Variants in PCDH7 observed in about 807,000 individuals in gnomAD.
PCDH7 encodes the protein protocadherin-7.
PCDH7 carries 17 observed loss-of-function variants against 58.9 expected under a neutral mutation model. The observed-to-expected ratio is 0.29, with a 90% CI of 0.20 to 0.43. PCDH7 has a LOEUF of 0.43. PCDH7 is among the 20% of genes least tolerant of loss of function. The pLI is 1.00. For missense variants in PCDH7, 1,274 were observed against 1,441.0 expected (o/e 0.88, Z 1.88); for synonymous variants, 664 against 616.4 (o/e 1.08, Z -1.14).
intron 1 of PCDH7, among the ~76,000 whole-genome samples, chr4:30,797,576 C>T (rs1169148054): frequency 6.6e-6 from 1 of 152,116 alleles, no homozygotes; most frequent in African/African-American, 2.4e-5. Flanking sequence ...GCCCAGCCCA[C>T]TTCCTACTTT....
intron 3 of PCDH7, among the ~76,000 whole-genome samples, chr4:31,016,461 A>T (rs1229029965): frequency 6.7e-6 from 1 of 148,572 alleles, no homozygotes; most frequent in Non-Finnish European, 1.5e-5. Flanking sequence ...GGGAAAGGCC[A>T]TCATCTAAAC....
intron 3 of PCDH7, among the ~76,000 whole-genome samples, chr4:31,055,829 G>A (rs890878367): frequency 6.6e-6 from 1 of 151,788 alleles, no homozygotes; most frequent in Admixed American, 6.6e-5. Flanking sequence ...CACCCACCTC[G>A]GCCTCCCAAA....
chr4:30,837,539 C>G (rs1730639575), intron 1 of PCDH7, among the ~76,000 whole-genome samples: 1 of 147,386 alleles, frequency 6.8e-6, no homozygotes, highest in Admixed American at 6.8e-5. Flanking sequence ...AAATTAAAAA[C>G]AAAATAGAAA....
At chr4:30,867,236 C>A (rs144429938) in intron 1 of PCDH7, among the ~76,000 whole-genome samples, 9 of 152,044 alleles carry the variant, frequency 5.9e-5, no homozygotes, top group African/African-American at 2.2e-4. Flanking sequence ...TTTGTTTATC[C>A]TGTGTAGAAT....
At chr4:31,126,040 C>G (rs545234153) in intron 3 of PCDH7, among the ~76,000 whole-genome samples, 27 of 151,936 alleles carry the variant, frequency 1.8e-4, no homozygotes, top group Non-Finnish European at 3.2e-4. Context: ...ACTCACTTAA[C>G]TTCTTTGTGC....
chr4:31,142,548 C>T, exon 4 of PCDH7: 1 of 1,367,766 alleles, frequency 7.3e-7, no homozygotes, highest in African/African-American at 1.5e-5. Flanking sequence ...CACTCAGACT[C>T]CTGCTGGATG....
intron 1 of PCDH7, among the ~76,000 whole-genome samples, chr4:30,862,668 T>G (rs572944338): frequency 2.0e-5 from 3 of 152,306 alleles, no homozygotes; most frequent in Admixed American, 2.0e-4. Context: ...AGATTTTAAA[T>G]AAATGCACAG....
chr4:30,806,189 A>G (rs1726173213), intron 1 of PCDH7, among the ~76,000 whole-genome samples: 1 of 152,094 alleles, frequency 6.6e-6, no homozygotes, highest in Admixed American at 6.5e-5. Flanking sequence ...CAGTCCCCCA[A>G]ATTGGTACAA....
chr4:31,007,418 G>A (rs951037714), intron 3 of PCDH7, among the ~76,000 whole-genome samples: 6 of 152,084 alleles, frequency 3.9e-5, no homozygotes, highest in African/African-American at 1.4e-4. Flanking sequence ...TGTGAATTTG[G>A]TGTCAAAGTA....
In PCDH7 at chr4:31,034,023, G is replaced by A. The variant is rs527956950; in HGVS notation, c.*7+83808G>A. ...GCAGGAGAATTGCTTGAGTCCGGGA[G>A]GCAGAGGTTGCAGTGCGTGGAAATC... On this transcript the variant is annotated intron_variant, in intron 3 of 3. Transcript: ENST00000509759. Among the ~76,000 whole-genome samples the A allele has an allele frequency of 9.9e-5, 15 of 152,268 alleles. No individual in the cohort carries two copies. The South Asian group carries it at 1.9e-3, about 19-fold the overall frequency.
chr4:31,051,028 TTATC>T (rs1422186161), intron 3 of PCDH7, among the ~76,000 whole-genome samples: 1 of 152,118 alleles, frequency 6.6e-6, no homozygotes, highest in African/African-American at 2.4e-5. Context: ...ACATAATTAT[TTATC>T]TATTTAACTG....
At chr4:30,794,873 G>T (rs185960870) in intron 1 of PCDH7, among the ~76,000 whole-genome samples, 1 of 152,012 alleles carries the variant, frequency 6.6e-6, no homozygotes, top group Non-Finnish European at 1.5e-5. Flanking sequence ...TAGTTTGATG[G>T]CATGAATATC....
intron 3 of PCDH7, among the ~76,000 whole-genome samples, chr4:30,952,030 A>T (rs1747419207): frequency 6.6e-6 from 1 of 152,132 alleles, no homozygotes; most frequent in Non-Finnish European, 1.5e-5. Context: ...CTTCACCCAT[A>T]CTTCTCTCTA....
chr4:31,084,192 T>G (rs911612268), intron 3 of PCDH7, among the ~76,000 whole-genome samples: 1 of 144,708 alleles, frequency 6.9e-6, no homozygotes, highest in Non-Finnish European at 1.5e-5. Context: ...AAATCTGAGC[T>G]GACTATTTTA....
chr4:31,078,755 T>C (rs1267435959), intron 3 of PCDH7, among the ~76,000 whole-genome samples: 1 of 148,430 alleles, frequency 6.7e-6, no homozygotes, highest in Non-Finnish European at 1.5e-5. Flanking sequence ...AAGTTGGCAA[T>C]ATAAATTTTA....
chr4:30,853,921 G>A (rs1195909590), intron 1 of PCDH7, among the ~76,000 whole-genome samples: 1 of 151,954 alleles, frequency 6.6e-6, no homozygotes, highest in Non-Finnish European at 1.5e-5. Context: ...AAAAGCAAAT[G>A]TAAATTTAAA....
chr4:30,818,376 A>G (rs184004935), intron 1 of PCDH7, among the ~76,000 whole-genome samples: 2 of 152,172 alleles, frequency 1.3e-5, no homozygotes, highest in African/African-American at 2.4e-5. Flanking sequence ...ACTGTTTCTC[A>G]GCTTCCATAT....
intron 1 of PCDH7, among the ~76,000 whole-genome samples, chr4:30,898,515 A>G (rs938130931): frequency 3.3e-5 from 5 of 152,206 alleles, no homozygotes; most frequent in African/African-American, 1.2e-4. Flanking sequence ...AGAATAATCT[A>G]GATTGCTTGT....
intron 1 of PCDH7, among the ~76,000 whole-genome samples, chr4:30,782,264 C>A (rs1722903032): frequency 6.6e-6 from 1 of 151,926 alleles, no homozygotes; most frequent in African/African-American, 2.4e-5. Context: ...GATAACTTTG[C>A]TGTCTATTTT....
Sources: allele counts gnomAD v4.1 joint callset (sites outside exome capture counted in the v4.1 genomes callset), GRCh38; gene constraint gnomAD v4.1.1; transcripts MANE v1.5; gene names NCBI Gene and HGNC (gene_info 2026-07-23, HGNC 2026-07-21).